The following BIK variants were observed in gnomAD, a reference collection of about 807,000 sequenced individuals.
BIK encodes bcl-2-interacting killer.
A neutral mutation model predicts 12.1 loss-of-function variants in BIK; 14 were observed. The observed-to-expected ratio is 1.16, with a 90% CI of 0.77 to 1.81. BIK has a LOEUF of 1.81. Ranked by LOEUF, BIK falls within the 40% of genes most tolerant of loss-of-function variation. BIK has a pLI of 0.00. For missense variants in BIK, 215 were observed against 207.9 expected (o/e 1.03, Z -0.21); for synonymous variants, 86 against 92.3 (o/e 0.93, Z 0.39).
intron 1 of BIK, among the ~76,000 whole-genome samples, chr22:43,117,794 C>T (rs1930146457): frequency 6.6e-6 from 1 of 151,908 alleles, no homozygotes; most frequent in Admixed American, 6.6e-5. Flanking sequence ...CCTCAGCCAC[C>T]CGAGTAGCTG....
intron 1 of BIK, among the ~76,000 whole-genome samples, chr22:43,116,198 T>C (rs936620907): frequency 1.1e-4 from 16 of 152,212 alleles, no homozygotes; most frequent in African/African-American, 3.9e-4. Context: ...GTCAAGAGAA[T>C]TATTAGTCTG....
chr22:43,117,313 C>G (rs192434037), intron 1 of BIK, among the ~76,000 whole-genome samples: 3 of 145,698 alleles, frequency 2.1e-5, no homozygotes, highest in Admixed American at 1.4e-4. Context: ...AGTGAGCTGT[C>G]TTTTTTTTTT....
chr22:43,125,967 C>CAA (rs1930306005), intron 2 of BIK, among the ~76,000 whole-genome samples: 1 of 152,024 alleles, frequency 6.6e-6, no homozygotes, highest in Admixed American at 6.6e-5. Context: ...ATGTCCAGCA[C>CAA]ACGGCAGCAT....
intron 2 of BIK, among the ~76,000 whole-genome samples, chr22:43,127,493 T>TG (rs1930340360): frequency 6.6e-6 from 1 of 152,178 alleles, no homozygotes; most frequent in Admixed American, 6.5e-5. Flanking sequence ...CACCCACGGA[T>TG]GGGACCTCAT....
At chr22:43,117,623 A>G (rs1230803459) in intron 1 of BIK, among the ~76,000 whole-genome samples, 3 of 149,746 alleles carry the variant, frequency 2.0e-5, no homozygotes, top group East Asian at 2.0e-4. Context: ...GCACGCCTCA[A>G]CCTCCCAAAG....
At position 43,129,256 on chromosome 22, in the gene BIK, C is replaced by CGCTGCT. The variant is rs755054456; in HGVS notation, c.440_445dup (p.Leu147_Leu148dup). The CGCTGCT allele has an allele frequency of 8.8e-6, 14 of 1,593,278 alleles. No homozygotes were observed. The highest frequency in any genetic ancestry group is 1.7e-5 in the Admixed American group (1 of 59,560). On this transcript the variant is annotated inframe_insertion, in exon 5 of 5. Coordinates refer to ENST00000216115, the MANE Select transcript of BIK (RefSeq NM_001197.5). Reference sequence around the variant, plus strand: ...CTGCTGGCGCTGCTGCTGCTGCTGGCGCTGCTGCTGCCGCTGCTCAGCGGG... The same window carrying CGCTGCT: ...CTGCTGGCGCTGCTGCTGCTGCTGGCGCTGCTGCTGCTGCTGCCGCTGCTCAGCGGG...
intron 1 of BIK, among the ~76,000 whole-genome samples, chr22:43,113,932 C>T (rs1930060878): frequency 6.6e-6 from 1 of 152,212 alleles, no homozygotes; most frequent in South Asian, 2.1e-4. Context: ...TGTGTCTGAA[C>T]TGGACACATG....
At chr22:43,117,501 TG>T (rs1466723553) in intron 1 of BIK, among the ~76,000 whole-genome samples, 10 of 150,076 alleles carry the variant, frequency 6.7e-5, no homozygotes, top group South Asian at 2.1e-4. Context: ...CCCGAGTAGC[TG>T]GGACTACAGG....
intron 1 of BIK, among the ~76,000 whole-genome samples, chr22:43,122,120 C>T (rs561846345): frequency 3.3e-5 from 5 of 152,168 alleles, no homozygotes; most frequent in African/African-American, 1.2e-4. Flanking sequence ...TCCTGCCTGC[C>T]GTCAGTTTTC....
At position 43,124,189 on chromosome 22, in the gene BIK, TC is replaced by T; in HGVS notation, c.161+10del. The T allele has an allele frequency of 6.2e-7, 1 of 1,613,638 alleles. No homozygotes were observed. The highest frequency in any genetic ancestry group is 8.5e-7 in the Non-Finnish European group (1 of 1,179,870). On this transcript the variant is annotated splice_region_variant and intron_variant, in intron 2 of 4. Coordinates refer to ENST00000216115, the MANE Select transcript of BIK (RefSeq NM_001197.5). ...TTGGAATGCATGGAGGGCAGGTAGGTCCCCATGGCCTGCCCTACCCCCTGCC... is the reference window on the plus strand; with the variant it reads ...TTGGAATGCATGGAGGGCAGGTAGGTCCCATGGCCTGCCCTACCCCCTGCC...
At chr22:43,116,293 T>C (rs899387647) in intron 1 of BIK, among the ~76,000 whole-genome samples, 12 of 152,094 alleles carry the variant, frequency 7.9e-5, no homozygotes, top group Non-Finnish European at 1.8e-4. Flanking sequence ...CCTAACTTAT[T>C]GATACAGGGT....
At chr22:43,125,491 A>T (rs1930296280) in intron 2 of BIK, among the ~76,000 whole-genome samples, 1 of 150,034 alleles carries the variant, frequency 6.7e-6, no homozygotes, top group Non-Finnish European at 1.5e-5. Flanking sequence ...GGATCACCTG[A>T]GGTTGGGAGT....
In BIK at chr22:43,116,288, C is replaced by T. The variant is rs370091539; in HGVS notation, c.-8+5485C>T. ...CATAGAATAAAATCTCCTCCCCTAA[C>T]TTATTGATACAGGGTCTCACTCTGT... On this transcript the variant is annotated intron_variant, in intron 1 of 4. Transcript: ENST00000216115. 5.3e-5 allele frequency among the ~76,000 whole-genome samples: 8 copies of T among 152,142 alleles called. No homozygotes were observed. The East Asian group carries it at 1.4e-3, about 26-fold the overall frequency.
At chr22:43,124,322 T>A in intron 2 of BIK, 139 bp downstream of exon 2, 1 of 1,083,482 alleles carries the variant, frequency 9.2e-7, no homozygotes, top group Admixed American at 2.4e-5. Context: ...TTCCCGGATG[T>A]GGGCATGGAG....
At chr22:43,111,381 C>A (rs1345458019) in intron 1 of BIK, among the ~76,000 whole-genome samples, 1 of 152,172 alleles carries the variant, frequency 6.6e-6, no homozygotes, top group Non-Finnish European at 1.5e-5. Flanking sequence ...CGGAGCGGCG[C>A]GCAGCCGCCC....
rs367775814 is a variant in BIK, at chr22:43,129,183, G to A, written c.391-30G>A. ...TGGCCCCATTGCCGGGGCCTGCCCC[G>A]AGCCTGACTCCTCTGCTTTGCTCCC... On this transcript the variant is annotated intron_variant, in intron 4 of 4. Coordinates refer to ENST00000216115, the MANE Select transcript of BIK (RefSeq NM_001197.5). The A allele has an allele frequency of 1.9e-5, 31 of 1,602,032 alleles. No individual in the cohort carries two copies. The African/African-American group carries it at 2.8e-4, about 14-fold the overall frequency.
intron 1 of BIK, among the ~76,000 whole-genome samples, chr22:43,120,491 G>A (rs915649884): frequency 1.3e-5 from 2 of 152,232 alleles, no homozygotes; most frequent in African/African-American, 2.4e-5. Flanking sequence ...CACCAGGCCA[G>A]GTCTAGGGAG....
chr22:43,120,026 G>T (rs1247847332), intron 1 of BIK, among the ~76,000 whole-genome samples: 1 of 148,538 alleles, frequency 6.7e-6, no homozygotes, highest in Non-Finnish European at 1.5e-5. Context: ...CGTAGGCATG[G>T]GCCGGTCTGA....
At chr22:43,113,454 A>T (rs1930049322) in intron 1 of BIK, among the ~76,000 whole-genome samples, 2 of 152,170 alleles carry the variant, frequency 1.3e-5, no homozygotes, top group Non-Finnish European at 2.9e-5. Context: ...TGGGAGGCTA[A>T]GGCGGGAGAA....
Sources: gnomAD v4.1 joint callset for allele counts (sites outside exome capture counted in the v4.1 genomes callset) on GRCh38, gnomAD v4.1.1 for gene constraint, MANE v1.5 for transcripts, NCBI Gene and HGNC (gene_info 2026-07-23, HGNC 2026-07-21) for gene names.